Variants in VAT1L observed in about 807,000 individuals in gnomAD.
VAT1L encodes putative NADPH-dependent quinone oxidoreductase VAT1L.
In VAT1L, 34 loss-of-function variants were observed where a neutral mutation model predicts 44.1. The ratio of observed to expected loss-of-function variants is 0.77; its 90% confidence interval spans 0.59 to 1.03. VAT1L has a LOEUF of 1.03. Ranked by LOEUF, VAT1L falls within the 50% of genes least tolerant of loss-of-function variation. The pLI is 0.00. For missense variants in VAT1L, 615 were observed against 538.8 expected (o/e 1.14, Z -1.40); for synonymous variants, 253 against 202.2 (o/e 1.25, Z -2.13).
intron 2 of VAT1L, among the ~76,000 whole-genome samples, chr16:77,823,960 T>C (rs1217197556): frequency 6.6e-6 from 1 of 151,720 alleles, no homozygotes; most frequent in Non-Finnish European, 1.5e-5. Flanking sequence ...GAGGCGGAGG[T>C]TGCATTGAGC....
rs1007726225 is a variant in VAT1L, at chr16:77,851,238, T to C, written c.580-11510T>C. Reference sequence around the variant, plus strand: ...CAGCTATGGTTACAGATTGAACCTTTCCAACCCTGCCCTGCCACTGACAAT... The same window carrying C: ...CAGCTATGGTTACAGATTGAACCTTCCCAACCCTGCCCTGCCACTGACAAT... On this transcript the variant is annotated intron_variant, in intron 3 of 8. Coordinates refer to ENST00000302536, the MANE Select transcript of VAT1L (RefSeq NM_020927.3). Among the ~76,000 whole-genome samples, 230 of 152,296 alleles carry C rather than the reference T, an allele frequency of 1.5e-3. 1 individual carries two copies. The highest frequency in any genetic ancestry group is 9.7e-4 in the East Asian group (5 of 5,174).
chr16:77,822,484 G>C (rs1390416931), intron 2 of VAT1L, among the ~76,000 whole-genome samples: 1 of 152,136 alleles, frequency 6.6e-6, no homozygotes, highest in Non-Finnish European at 1.5e-5. Context: ...AGTGTGGAGA[G>C]CCACCCCCTT....
At chr16:77,815,728 G>A (rs2016339267) in intron 1 of VAT1L, among the ~76,000 whole-genome samples, 1 of 151,858 alleles carries the variant, frequency 6.6e-6, no homozygotes, top group East Asian at 2.0e-4. Context: ...CAGCAATTTG[G>A]GAGACCAAGG....
At chr16:77,813,051 A>G (rs879021972) in intron 1 of VAT1L, among the ~76,000 whole-genome samples, 2 of 152,152 alleles carry the variant, frequency 1.3e-5, no homozygotes, top group Non-Finnish European at 2.9e-5. Context: ...GTCATCAGGC[A>G]TAGTCATTGC....
At chr16:77,926,863 TAGAA>T (rs1256648792) in intron 7 of VAT1L, among the ~76,000 whole-genome samples, 1 of 152,070 alleles carries the variant, frequency 6.6e-6, no homozygotes, top group Non-Finnish European at 1.5e-5. Context: ...ACATGTGACC[TAGAA>T]AGAGACTCTG....
chr16:77,933,802 A>G (rs2017760297), intron 7 of VAT1L, among the ~76,000 whole-genome samples: 1 of 152,222 alleles, frequency 6.6e-6, no homozygotes, highest in Non-Finnish European at 1.5e-5. Context: ...AAGGAAGTGA[A>G]GGGGACAACA....
chr16:77,876,201 C>A (rs544089209), intron 4 of VAT1L, among the ~76,000 whole-genome samples, 169 bp from the exon 5 acceptor site: 64 of 152,232 alleles, frequency 4.2e-4, no homozygotes, highest in African/African-American at 1.5e-3. Flanking sequence ...ATCACTGGAT[C>A]TGGGAAGACA....
chr16:77,911,478 C>T (rs946256445), intron 7 of VAT1L, among the ~76,000 whole-genome samples: 8 of 152,276 alleles, frequency 5.3e-5, no homozygotes, highest in East Asian at 1.9e-4. Context: ...CCTATATGGA[C>T]CCTCCCTCGG....
chr16:77,841,377 C>G (rs1432092414), intron 3 of VAT1L, among the ~76,000 whole-genome samples: 1 of 152,236 alleles, frequency 6.6e-6, no homozygotes, highest in Non-Finnish European at 1.5e-5. Context: ...GCCGCCACAC[C>G]TGGCCAATAA....
intron 1 of VAT1L, among the ~76,000 whole-genome samples, chr16:77,802,615 AACACACACACACACACACAC>A (rs57906062): frequency 3.1e-4 from 35 of 112,044 alleles, no homozygotes; most frequent in East Asian, 1.3e-3. Flanking sequence ...CCCCATCTCA[AACACACACACACACACACAC>A]ACACACACAC....
chr16:77,871,069 T>G (rs906406845), intron 4 of VAT1L, among the ~76,000 whole-genome samples: 5 of 152,148 alleles, frequency 3.3e-5, no homozygotes, highest in Admixed American at 6.5e-5. Flanking sequence ...CACTTTTCAA[T>G]TTTGAAATTC....
chr16:77,894,599 C>G lies in VAT1L; in HGVS notation c.1077+9797C>G, dbSNP rs997229680. ...GAACTGCTGATGGGGCATGGCATTT[C>G]TTTTTGGAGAGATAAAAATGTTCTA... On this transcript the variant is annotated intron_variant, in intron 7 of 8. Coordinates refer to ENST00000302536, the MANE Select transcript of VAT1L (RefSeq NM_020927.3). 3.3e-5 allele frequency among the ~76,000 whole-genome samples: 5 copies of G among 152,150 alleles called. No homozygotes were observed. In the East Asian group the frequency reaches 9.7e-4, roughly 29 times the overall value.
intron 4 of VAT1L, among the ~76,000 whole-genome samples, chr16:77,872,536 G>C (rs902916415): frequency 6.6e-5 from 10 of 152,106 alleles, no homozygotes; most frequent in Non-Finnish European, 1.3e-4. Flanking sequence ...CCAAGAGTCC[G>C]TGTGGTCCAA....
chr16:77,816,282 C>T (rs2016352826), intron 1 of VAT1L, among the ~76,000 whole-genome samples: 1 of 152,046 alleles, frequency 6.6e-6, no homozygotes, highest in South Asian at 2.1e-4. Context: ...TCCAGTATTC[C>T]CATATCTATT....
intron 1 of VAT1L, among the ~76,000 whole-genome samples, chr16:77,812,370 G>A (rs1000657564): frequency 3.9e-5 from 6 of 152,244 alleles, no homozygotes; most frequent in Admixed American, 1.3e-4. Flanking sequence ...ACCATGCCCT[G>A]CCGTTCCCGA....
At chr16:77,855,569 C>T (rs1381162567) in intron 3 of VAT1L, among the ~76,000 whole-genome samples, 2 of 152,156 alleles carry the variant, frequency 1.3e-5, no homozygotes, top group Non-Finnish European at 2.9e-5. Flanking sequence ...GGAATTGGTG[C>T]TCTCATTCTC....
chr16:77,864,705 C>G (rs1051485357), intron 4 of VAT1L, among the ~76,000 whole-genome samples: 1 of 152,174 alleles, frequency 6.6e-6, no homozygotes, highest in African/African-American at 2.4e-5. Flanking sequence ...AGTTTTAGAA[C>G]AGATTTGGTG....
intron 7 of VAT1L, among the ~76,000 whole-genome samples, chr16:77,928,223 C>T (rs1208852845): frequency 6.6e-6 from 1 of 152,144 alleles, no homozygotes; most frequent in African/African-American, 2.4e-5. Context: ...CCTGAGAAGT[C>T]CCAGGGAAGC....
chr16:77,788,781 G>C lies in VAT1L; in HGVS notation c.99G>C (p.Ser33=). The change falls in exon 1 of 9, where the codon TCG becomes TCC. Residue 33 remains serine (S), a synonymous_variant. Coordinates refer to ENST00000302536, the MANE Select transcript of VAT1L (RefSeq NM_020927.3). The part of the protein sequence containing the change: ...EPAEGGGGDG[S]HRLGDAQEMR... ...CGGAGGGCGGCGGCGGCGACGGCTCGCACCGCCTCGGGGACGCCCAGGAGA... is the reference window on the plus strand; with the variant it reads ...CGGAGGGCGGCGGCGGCGACGGCTCCCACCGCCTCGGGGACGCCCAGGAGA... The C allele has an allele frequency of 1.3e-6, 2 of 1,563,942 alleles. No homozygotes were observed. The highest frequency in any genetic ancestry group is 2.4e-5 in the South Asian group (2 of 85,082).
Sources: allele counts gnomAD v4.1 joint callset (sites outside exome capture counted in the v4.1 genomes callset), GRCh38; gene constraint gnomAD v4.1.1; transcripts MANE v1.5; gene names NCBI Gene and HGNC (gene_info 2026-07-23, HGNC 2026-07-21).